Variants in SLIT3 observed in about 807,000 individuals in gnomAD.
The protein encoded by SLIT3 is slit guidance ligand 3, also known as slit homolog 3 protein.
Under a neutral mutation model 184.0 loss-of-function variants are expected in SLIT3, and 68 were observed. The observed-to-expected ratio is 0.37, with a 90% confidence interval of 0.30 to 0.45. The LOEUF (loss-of-function observed/expected upper bound fraction) is 0.45, where lower values mean the gene tolerates loss of function less well. SLIT3 is among the 20% of genes least tolerant of loss of function. The pLI, the probability that SLIT3 is intolerant of heterozygous loss-of-function variation, is 1.00. For synonymous variants in SLIT3, 831 were observed against 828.6 expected (o/e 1.00, Z -0.05); for missense variants, 1,707 against 2,026.0 (o/e 0.84, Z 3.02).
At chr5:169,064,914 T>C (rs1041131081) in intron 4 of SLIT3, among the ~76,000 whole-genome samples, 1 of 152,238 alleles carries the variant, frequency 6.6e-6, no homozygotes, top group Non-Finnish European at 1.5e-5. Flanking sequence ...GACTTTTCCC[T>C]GGCAGTTTCG....
chr5:168,911,727 A>T (rs1242843950), intron 4 of SLIT3, among the ~76,000 whole-genome samples: 6 of 152,198 alleles, frequency 3.9e-5, no homozygotes, highest in Admixed American at 1.3e-4. Flanking sequence ...AGCATAGCAA[A>T]TTCAGGTTCA....
intron 4 of SLIT3, among the ~76,000 whole-genome samples, chr5:168,983,208 A>G (rs548505804): frequency 2.0e-5 from 3 of 152,320 alleles, no homozygotes; most frequent in African/African-American, 7.2e-5. Flanking sequence ...GGCTCCAGAA[A>G]ACTTAGGGAT....
intron 4 of SLIT3, among the ~76,000 whole-genome samples, chr5:168,952,722 G>A (rs886149283): frequency 1.3e-5 from 2 of 152,288 alleles, no homozygotes. Context: ...CCCAATTGGA[G>A]GCTGTCTGCT....
chr5:169,258,971 A>G (rs959462804), intron 1 of SLIT3, among the ~76,000 whole-genome samples: 2 of 152,224 alleles, frequency 1.3e-5, no homozygotes, highest in Non-Finnish European at 2.9e-5. Context: ...TGGCTTTGAG[A>G]AAGGCACTTA....
chr5:168,977,321 A>G (rs113386515), intron 4 of SLIT3, among the ~76,000 whole-genome samples: 3,459 of 152,284 alleles, frequency 0.023, 140 homozygotes, highest in African/African-American at 0.08. Context: ...CCTACTCAGC[A>G]AGGTCAGACT....
Position 169,059,042 on chromosome 5 carries a change from T to C in SLIT3, c.413+134437A>G, listed in dbSNP as rs569980489. ...GCCAAGGGAGCTGAGAAGCCCTGAA[T>C]TGGAGGGTTTATTTTCAAGCATGAG... On this transcript the variant is annotated intron_variant, in intron 4 of 35. Coordinates refer to ENST00000519560, the MANE Select transcript of SLIT3 (RefSeq NM_003062.4). Among the ~76,000 whole-genome samples the C allele has an allele frequency of 4.6e-5, 7 of 152,110 alleles. No individual in the cohort carries two copies. In the South Asian group the frequency reaches 8.3e-4, roughly 18 times the overall value.
At chr5:168,943,553 G>C (rs1303837441) in intron 4 of SLIT3, among the ~76,000 whole-genome samples, 1 of 152,186 alleles carries the variant, frequency 6.6e-6, no homozygotes, top group Non-Finnish European at 1.5e-5. Flanking sequence ...GCTTCTCTAA[G>C]TCTCAGTTTC....
At chr5:169,051,536 AAGGGT>A (rs1473141452) in intron 4 of SLIT3, among the ~76,000 whole-genome samples, 1 of 152,190 alleles carries the variant, frequency 6.6e-6, no homozygotes, top group African/African-American at 2.4e-5. Flanking sequence ...CCAAGTCATA[AAGGGT>A]AGAATTAGAG....
chr5:168,685,543 T>G, intron 31 of SLIT3, 144 bp downstream of exon 31: 8 of 1,027,556 alleles, frequency 7.8e-6, no homozygotes, highest in Non-Finnish European at 9.6e-6. Context: ...ACTCTCTGGA[T>G]GAGTTGGTCC....
Position 168,753,028 on chromosome 5 carries a change from G to A in SLIT3, c.1900C>T (p.Leu634=). The stretch of plus-strand genomic sequence containing the variant: ...GTGATCCGATTGTCATAGAGGGACA[G>A]CAGTCTCACCGAACTCAGGCCGGCA... ...TFAGLSSVRL[L]SLYDNRITTI... The change falls in exon 18 of 36, where the codon CTG becomes TTG. Residue 634 remains leucine, a synonymous_variant. Coordinates refer to ENST00000519560, the MANE Select transcript of SLIT3 (RefSeq NM_003062.4). The A allele has an allele frequency of 6.2e-7, 1 of 1,613,994 alleles. No homozygotes were observed. Among genetic ancestry groups the A allele is most frequent in the Non-Finnish European group, 8.5e-7 (1 of 1,179,880 alleles).
intron 5 of SLIT3, among the ~76,000 whole-genome samples, chr5:168,854,126 C>T (rs1758772506): frequency 6.6e-6 from 1 of 152,154 alleles, no homozygotes; most frequent in Non-Finnish European, 1.5e-5. Flanking sequence ...CCTGCCTTCC[C>T]AATCCAGGAG....
chr5:168,755,412 TC>T (rs1391277207), intron 16 of SLIT3, among the ~76,000 whole-genome samples: 2 of 26,402 alleles, frequency 7.6e-5, no homozygotes, highest in African/African-American at 6.1e-4. Flanking sequence ...TTTCTTTCTT[TC>T]TTTCTTTCTT....
intron 4 of SLIT3, among the ~76,000 whole-genome samples, chr5:169,009,716 G>A (rs984294453): frequency 5.9e-5 from 9 of 152,088 alleles, no homozygotes; most frequent in African/African-American, 1.9e-4. Context: ...CTTACTTCAG[G>A]TAAGACATCA....
intron 4 of SLIT3, among the ~76,000 whole-genome samples, chr5:169,108,054 C>G (rs1760283056): frequency 6.6e-6 from 1 of 152,306 alleles, no homozygotes; most frequent in East Asian, 1.9e-4. Context: ...CCCCAGCAGA[C>G]CAGACCATAG....
intron 6 of SLIT3, among the ~76,000 whole-genome samples, chr5:168,830,595 A>G (rs971167029): frequency 2.0e-5 from 3 of 152,202 alleles, no homozygotes; most frequent in African/African-American, 4.8e-5. Flanking sequence ...TGCTGATACT[A>G]TTTATGAAGT....
At chr5:169,032,474 A>T (rs1581329818) in intron 4 of SLIT3, among the ~76,000 whole-genome samples, 1 of 151,664 alleles carries the variant, frequency 6.6e-6, no homozygotes, top group East Asian at 1.9e-4. Flanking sequence ...AGTTCATACC[A>T]TGTCTTCTAA....
intron 3 of SLIT3, among the ~76,000 whole-genome samples, chr5:169,204,892 G>A (rs1267730715): frequency 1.3e-5 from 2 of 152,202 alleles, no homozygotes; most frequent in Non-Finnish European, 2.9e-5. Flanking sequence ...TAGTGGTCAT[G>A]AGCTGTAAGT....
chr5:169,227,445 T>C (rs1764852328), intron 3 of SLIT3, among the ~76,000 whole-genome samples: 2 of 152,162 alleles, frequency 1.3e-5, no homozygotes, highest in African/African-American at 4.8e-5. Context: ...TATTATGTTT[T>C]TTTAGAAAGT....
chr5:168,932,382 ACACACACACT>A (rs1762016299), intron 4 of SLIT3, among the ~76,000 whole-genome samples: 1 of 146,092 alleles, frequency 6.8e-6, no homozygotes, highest in Admixed American at 6.7e-5. Context: ...ACACACACAC[ACACACACACT>A]ACACACACCC....
Sources: gnomAD v4.1 joint callset for allele counts (sites outside exome capture counted in the v4.1 genomes callset) on GRCh38, gnomAD v4.1.1 for gene constraint, MANE v1.5 for transcripts, NCBI Gene and HGNC (gene_info 2026-07-23, HGNC 2026-07-21) for gene names.